SLC7A8: variants seen among roughly 807,000 people sequenced by gnomAD.
SLC7A8 encodes solute carrier family 7 member 8.
Under a neutral mutation model 51.2 loss-of-function variants are expected in SLC7A8, and 30 were observed. That is an observed-to-expected ratio of 0.59 (90% confidence interval 0.44 to 0.80). The LOEUF (loss-of-function observed/expected upper bound fraction) is 0.80, where lower values mean the gene tolerates loss of function less well. SLC7A8 is among the 30% of genes least tolerant of loss of function. The pLI is 0.00. For synonymous variants in SLC7A8, 257 were observed against 275.8 expected (o/e 0.93, Z 0.67); for missense variants, 612 against 674.4 (o/e 0.91, Z 1.03).
intron 1 of SLC7A8, among the ~76,000 whole-genome samples, chr14:23,171,453 A>C (rs1291390264): frequency 6.6e-6 from 1 of 152,234 alleles, no homozygotes; most frequent in African/African-American, 2.4e-5. Flanking sequence ...TGTGACTCCC[A>C]TTAAAGCATT....
At chr14:23,158,704 T>G (rs2048906840) in intron 3 of SLC7A8, among the ~76,000 whole-genome samples, 1 of 152,204 alleles carries the variant, frequency 6.6e-6, no homozygotes, top group African/African-American at 2.4e-5. Context: ...TTGAAACGTA[T>G]TTCATTTTGA....
rs2048632074 is a variant in SLC7A8 at position 23,131,494 on chromosome 14, C to T, written c.1080G>A (p.Lys360=). 2 of 1,609,596 alleles carry T rather than the reference C, an allele frequency of 1.2e-6. No individual in the cohort carries two copies. The highest frequency in any genetic ancestry group is 4.5e-5 in the East Asian group (2 of 44,402). The change falls in exon 8 of 11, where the codon AAG becomes AAA. Residue 360 remains lysine (K), a synonymous_variant. Transcript: ENST00000316902. ...GCAGGGCTGGGATTGGGGTGCAGCG[C>T]TTCACGTGGATCATGGCCAACACAC... ...LPSVLAMIHV[K]RCTPIPALLF...
chr14:23,127,074 CAG>C lies in SLC7A8; in HGVS notation c.*101_*102del, dbSNP rs61552549. 115,739 of 1,406,084 alleles carry C rather than the reference CAG, an allele frequency of 0.082. 5,264 individuals are homozygous for C. Among genetic ancestry groups the C allele is most frequent in the East Asian group, 0.15 (6,642 of 43,348 alleles). The allele number at this position is 1,406,084 out of a possible 1,614,324, so 87.1% of individuals were successfully genotyped here. A position where few individuals can be genotyped will look rare whatever the true frequency, so the allele number is the denominator to read the frequency against. The stretch of plus-strand genomic sequence containing the variant: ...AAGTCCTACCACTGCCTGACAAAAG[CAG>C]AGAGAGGGGTGTGTGTGTACTCGCA... On this transcript the variant is annotated 3_prime_UTR_variant, in exon 11 of 11. Transcript: ENST00000316902.
At chr14:23,153,010 C>G (rs931595549) in intron 3 of SLC7A8, among the ~76,000 whole-genome samples, 1 of 152,180 alleles carries the variant, frequency 6.6e-6, no homozygotes, top group Non-Finnish European at 1.5e-5. Context: ...CAACTCTTGG[C>G]CCTAGAGGTA....
At chr14:23,176,496 A>C (rs764584312) in intron 1 of SLC7A8, among the ~76,000 whole-genome samples, 2 of 152,180 alleles carry the variant, frequency 1.3e-5, no homozygotes, top group Non-Finnish European at 2.9e-5. Context: ...GAGTCATCTC[A>C]GTTATCAGTG....
At chr14:23,164,395 C>T (rs534299281) in intron 3 of SLC7A8, among the ~76,000 whole-genome samples, 51 of 152,344 alleles carry the variant, frequency 3.3e-4, no homozygotes, top group Non-Finnish European at 6.0e-4. Flanking sequence ...ATCAGGAGCC[C>T]TTGCACTCCA....
rs370263458 is a variant in SLC7A8, at chr14:23,128,619, C to T, written c.1264-423G>A. Among the ~76,000 whole-genome samples the T allele has an allele frequency of 1.2e-4, 19 of 152,308 alleles. No individual in the cohort carries two copies. In the South Asian group the frequency reaches 2.1e-3, roughly 17 times the overall value. ...CAATGCACAAGGTGCAGGCAGGAGA[C>T]GATTCGAGTCACTCAGGCTCCCTGG... On this transcript the variant is annotated intron_variant, in intron 9 of 10. Coordinates refer to ENST00000316902, the MANE Select transcript of SLC7A8 (RefSeq NM_012244.4). The surrounding 1 kb of genome is among the most constrained non-coding windows in gnomAD (Gnocchi z 4.3).
chr14:23,132,057 T>G (rs1024901146), intron 7 of SLC7A8, among the ~76,000 whole-genome samples: 2 of 140,058 alleles, frequency 1.4e-5, no homozygotes. Context: ...CAGGCTGGAG[T>G]GCAGTGCTGC....
At chr14:23,134,654 C>T (rs977270462) in intron 7 of SLC7A8, among the ~76,000 whole-genome samples, 1 of 151,822 alleles carries the variant, frequency 6.6e-6, no homozygotes, top group South Asian at 2.1e-4. Flanking sequence ...AATTCCTGGG[C>T]TCCAGTGATC....
chr14:23,129,490 G>C, intron 9 of SLC7A8, 160 bp downstream of exon 9: 1 of 714,726 alleles, frequency 1.4e-6, no homozygotes, highest in East Asian at 2.7e-5. Flanking sequence ...AATGGAAATA[G>C]TGGTCCCATT....
intron 9 of SLC7A8, 129 bp downstream of exon 9, chr14:23,129,521 C>A: frequency 8.7e-7 from 1 of 1,142,990 alleles, no homozygotes; most frequent in East Asian, 2.4e-5. Flanking sequence ...CCTTGCTTTC[C>A]AAAGGGTCTG....
intron 3 of SLC7A8, among the ~76,000 whole-genome samples, chr14:23,144,681 T>G (rs1327919448): frequency 6.6e-6 from 1 of 152,150 alleles, no homozygotes; most frequent in Non-Finnish European, 1.5e-5. Context: ...ACATTAACCG[T>G]CTGTAACCTT....
At chr14:23,176,793 T>C (rs112181230) in intron 1 of SLC7A8, among the ~76,000 whole-genome samples, 2 of 151,940 alleles carry the variant, frequency 1.3e-5, no homozygotes, top group African/African-American at 2.4e-5. Context: ...AATACAAAAA[T>C]TAGCTGAGCG....
intron 4 of SLC7A8, among the ~76,000 whole-genome samples, chr14:23,142,395 C>T (rs949797030): frequency 1.3e-5 from 2 of 152,366 alleles, no homozygotes; most frequent in South Asian, 2.1e-4. Context: ...AAATACCTTT[C>T]TCTGTCCTCC....
At chr14:23,177,278 T>C (rs1048140656) in intron 1 of SLC7A8, among the ~76,000 whole-genome samples, 11 of 152,278 alleles carry the variant, frequency 7.2e-5, no homozygotes, top group African/African-American at 2.7e-4. Flanking sequence ...GTAAATAGAC[T>C]GTAACCTACT....
chr14:23,134,582 G>T (rs1050738623), intron 7 of SLC7A8, among the ~76,000 whole-genome samples: 12 of 151,412 alleles, frequency 7.9e-5, no homozygotes, highest in African/African-American at 2.9e-4. Context: ...TTTAGAGATG[G>T]GGTCTTGCTC....
In SLC7A8 at chr14:23,127,212, T is replaced by C. The variant is rs1397862123; in HGVS notation, c.1573A>G (p.Lys525Glu). 3.7e-6 allele frequency: 6 copies of C among 1,613,968 alleles called. No individual in the cohort carries two copies. Among genetic ancestry groups the C allele is most frequent in the Non-Finnish European group, 5.1e-6 (6 of 1,179,998 alleles). The change falls in exon 11 of 11, where the codon AAG becomes GAG. Residue 525 changes from lysine (K) to glutamate (E), a missense_variant. Physicochemically the swap from Lys to Glu is moderately conservative, Grantham distance 56. Coordinates refer to ENST00000316902, the MANE Select transcript of SLC7A8 (RefSeq NM_012244.4). ...GGCTGCCCCGCCACGTCCTTGTCCT[T>C]CGTGGGAGTGGGTTGGTACATGGGC... ...QQPMYQPTPT[K>E]DKDVAGQPQP
chr14:23,141,094 G>A (rs1337711860), intron 4 of SLC7A8, among the ~76,000 whole-genome samples: 1 of 98,056 alleles, frequency 1.0e-5, no homozygotes, highest in Admixed American at 1.3e-4. Context: ...ACCAGCCTGG[G>A]CAACATAGTG....
Position 23,126,950 on chromosome 14 carries a change from G to C in SLC7A8, c.*227C>G, listed in dbSNP as rs1594812839. ...CCTCCAGCAGCTGGGAGTGTGGGCA[G>C]CACTGGAGTGGGGCCTGGGACATGG... On this transcript the variant is annotated 3_prime_UTR_variant, in exon 11 of 11. Coordinates refer to ENST00000316902, the MANE Select transcript of SLC7A8 (RefSeq NM_012244.4). 8 of 581,478 alleles carry C rather than the reference G, an allele frequency of 1.4e-5. No individual in the cohort carries two copies. The East Asian group carries it at 2.4e-4, about 17-fold the overall frequency. 36.0% of individuals were successfully genotyped at this position (581,478 alleles called of 1,614,324 possible). A position where few individuals can be genotyped will look rare whatever the true frequency, so the allele number is the denominator to read the frequency against.
Sources: allele counts gnomAD v4.1 joint callset (sites outside exome capture counted in the v4.1 genomes callset), GRCh38; gene constraint gnomAD v4.1.1; non-coding constraint Gnocchi (gnomAD v3.1); transcripts MANE v1.5; gene names NCBI Gene and HGNC (gene_info 2026-07-23, HGNC 2026-07-21).